The following GNAQ variants were observed in gnomAD, a reference collection of about 807,000 sequenced individuals.
The protein encoded by GNAQ is guanine nucleotide-binding protein G(q) subunit alpha.
A neutral mutation model predicts 43.9 loss-of-function variants in GNAQ; 8 were observed. That is an observed-to-expected ratio of 0.18 (90% CI 0.11 to 0.33). The LOEUF is 0.33. Among genes scored for constraint, GNAQ ranks in the 10% least tolerant of loss-of-function variants. The probability of loss-of-function intolerance (pLI) is 1.00; values close to 1 mark genes in which losing one functional copy is unlikely to be tolerated. For synonymous variants in GNAQ, 155 were observed against 170.7 expected (o/e 0.91, Z 0.71); for missense variants, 158 against 450.8 (o/e 0.35, Z 5.88).
At chr9:77,796,586 A>G (rs1826662585) in intron 4 of GNAQ, among the ~76,000 whole-genome samples, 1 of 152,230 alleles carries the variant, frequency 6.6e-6, no homozygotes. Flanking sequence ...AGTATTATCC[A>G]GACAGAACAC....
At chr9:77,745,804 G>A (rs536417058) in intron 5 of GNAQ, among the ~76,000 whole-genome samples, 7 of 151,866 alleles carry the variant, frequency 4.6e-5, no homozygotes, top group African/African-American at 1.2e-4. Context: ...GCTAAAAGAC[G>A]TTATAGTAAC....
chr9:77,886,408 T>G (rs546074678), intron 2 of GNAQ, among the ~76,000 whole-genome samples: 3 of 148,502 alleles, frequency 2.0e-5, no homozygotes, highest in African/African-American at 7.4e-5. Context: ...AAAAAGCATC[T>G]TAGTGGTTAA....
At chr9:77,726,348 A>T (rs1825396115) in intron 6 of GNAQ, among the ~76,000 whole-genome samples, 1 of 152,200 alleles carries the variant, frequency 6.6e-6, no homozygotes, top group Non-Finnish European at 1.5e-5. Context: ...CATTTCTAAC[A>T]TCTGGTGACA....
chr9:78,001,164 G>T (rs1823639171), intron 1 of GNAQ, among the ~76,000 whole-genome samples: 1 of 152,090 alleles, frequency 6.6e-6, no homozygotes, highest in Non-Finnish European at 1.5e-5. Context: ...CTGGGAGGTC[G>T]AGGCAGGCAG....
At chr9:77,831,605 G>C (rs753543159) in intron 2 of GNAQ, among the ~76,000 whole-genome samples, 5 of 152,180 alleles carry the variant, frequency 3.3e-5, no homozygotes, top group African/African-American at 1.2e-4. Context: ...CTTTCAATGT[G>C]ACAGAATTAT....
intron 1 of GNAQ, among the ~76,000 whole-genome samples, chr9:78,004,521 C>T (rs560773959): frequency 4.6e-5 from 7 of 152,152 alleles, no homozygotes; most frequent in South Asian, 4.2e-4. Context: ...AGAAGTCCTG[C>T]GTGACATCAT....
At chr9:77,980,097 A>G (rs1823351022) in intron 1 of GNAQ, among the ~76,000 whole-genome samples, 1 of 152,214 alleles carries the variant, frequency 6.6e-6, no homozygotes, top group South Asian at 2.1e-4. Flanking sequence ...CAAATCCTGG[A>G]TAAACTACGT....
intron 1 of GNAQ, among the ~76,000 whole-genome samples, chr9:77,948,959 A>C (rs1239761973): frequency 6.6e-6 from 1 of 152,136 alleles, no homozygotes; most frequent in Non-Finnish European, 1.5e-5. Context: ...CACTTCTCCC[A>C]CAAGACTGTA....
Position 77,979,631 on chromosome 9 carries a change from G to T in GNAQ, c.136+51469C>A, listed in dbSNP as rs10781476. Reference sequence around the variant, plus strand: ...AAAGCCCCAGGGTGCATGCCCAAGGGGGGGGAGACTGAACTCTCTGGAAGA... The same window carrying T: ...AAAGCCCCAGGGTGCATGCCCAAGGTGGGGGAGACTGAACTCTCTGGAAGA... On this transcript the variant is annotated intron_variant, in intron 1 of 6. Coordinates refer to ENST00000286548, the MANE Select transcript of GNAQ (RefSeq NM_002072.5). Among the ~76,000 whole-genome samples, 948 of 152,030 alleles carry T rather than the reference G, an allele frequency of 6.2e-3. 2 individuals carry two copies. Among genetic ancestry groups the T allele is most frequent in the African/African-American group, 0.02 (833 of 41,466 alleles).
At chr9:77,839,758 G>A (rs1377450625) in intron 2 of GNAQ, among the ~76,000 whole-genome samples, 1 of 152,226 alleles carries the variant, frequency 6.6e-6, no homozygotes, top group African/African-American at 2.4e-5. Flanking sequence ...TTAAATTTAG[G>A]TGGGTGGAAG....
intron 2 of GNAQ, among the ~76,000 whole-genome samples, chr9:77,900,857 C>G (rs1828597306): frequency 6.6e-6 from 1 of 152,164 alleles, no homozygotes; most frequent in Non-Finnish European, 1.5e-5. Flanking sequence ...TTCACCAATT[C>G]TCTGCTTGCT....
intron 5 of GNAQ, among the ~76,000 whole-genome samples, chr9:77,755,952 G>A (rs1033340444): frequency 3.3e-5 from 5 of 152,110 alleles, no homozygotes; most frequent in Non-Finnish European, 5.9e-5. Context: ...TCAGCGGAAC[G>A]GGAAAGGCAG....
At chr9:77,782,068 A>T (rs1826402681) in intron 5 of GNAQ, among the ~76,000 whole-genome samples, 1 of 152,174 alleles carries the variant, frequency 6.6e-6, no homozygotes, top group Admixed American at 6.5e-5. Context: ...GAAGGAAGAA[A>T]ACTGTCTCTG....
At chr9:77,765,042 G>A (rs1322908473) in intron 5 of GNAQ, among the ~76,000 whole-genome samples, 6 of 151,986 alleles carry the variant, frequency 3.9e-5, no homozygotes, top group Non-Finnish European at 7.4e-5. Flanking sequence ...ATTTGTCTTC[G>A]GTTTTATGCA....
intron 5 of GNAQ, among the ~76,000 whole-genome samples, chr9:77,755,615 T>A (rs751830803): frequency 6.6e-6 from 1 of 152,242 alleles, no homozygotes; most frequent in Non-Finnish European, 1.5e-5. Context: ...TCATTTTATT[T>A]CCTTTTTCCT....
Position 77,977,247 on chromosome 9 carries a change from C to A in GNAQ, c.136+53853G>T, listed in dbSNP as rs145582534. 2.0e-5 allele frequency among the ~76,000 whole-genome samples: 3 copies of A among 152,224 alleles called. No individual in the cohort carries two copies. The East Asian group carries it at 5.8e-4, about 29-fold the overall frequency. On this transcript the variant is annotated intron_variant, in intron 1 of 6. Transcript: ENST00000286548. ...TAGCTCCTTCCCTGGCCCTTCTCCA[C>A]ACTCCATTCCCCACCCTAACCCCAT...
At chr9:77,790,725 G>A (rs1826554792) in intron 5 of GNAQ, among the ~76,000 whole-genome samples, 1 of 152,282 alleles carries the variant, frequency 6.6e-6, no homozygotes, top group South Asian at 2.1e-4. Context: ...ACATCTAGAA[G>A]ACACTATGAG....
intron 1 of GNAQ, among the ~76,000 whole-genome samples, chr9:77,998,073 C>T (rs933048391): frequency 2.1e-4 from 32 of 152,156 alleles, no homozygotes; most frequent in African/African-American, 7.2e-4. Flanking sequence ...CGCACACGCG[C>T]GCATGTACAC....
At chr9:77,829,309 T>C (rs1827259249) in intron 2 of GNAQ, among the ~76,000 whole-genome samples, 1 of 152,192 alleles carries the variant, frequency 6.6e-6, no homozygotes, top group Non-Finnish European at 1.5e-5. Context: ...CAATAATCTT[T>C]TTTATTGTTC....
Sources: allele counts gnomAD v4.1 joint callset (sites outside exome capture counted in the v4.1 genomes callset), GRCh38; gene constraint gnomAD v4.1.1; transcripts MANE v1.5; gene names NCBI Gene and HGNC (gene_info 2026-07-23, HGNC 2026-07-21).